WDR7: variants seen among roughly 807,000 people sequenced by gnomAD.
WDR7 encodes WD repeat-containing protein 7.
In WDR7, 46 loss-of-function variants were observed where a neutral mutation model predicts 169.4. The ratio of observed to expected loss-of-function variants is 0.27; its 90% CI spans 0.21 to 0.35. The LOEUF (loss-of-function observed/expected upper bound fraction) is 0.35. Among genes scored for constraint, WDR7 ranks in the 10% least tolerant of loss-of-function variants. WDR7 has a pLI of 1.00. For missense variants in WDR7, 1,534 were observed against 1,859.3 expected (o/e 0.83, Z 3.22); for synonymous variants, 612 against 666.8 (o/e 0.92, Z 1.27).
intron 20 of WDR7, among the ~76,000 whole-genome samples, chr18:56,827,400 C>T (rs2045226178): frequency 6.6e-6 from 1 of 152,148 alleles, no homozygotes; most frequent in African/African-American, 2.4e-5. Flanking sequence ...TTTACAACAA[C>T]CTAGGTGGAA....
intron 19 of WDR7, among the ~76,000 whole-genome samples, chr18:56,790,160 G>T (rs749849768): frequency 6.6e-6 from 1 of 152,168 alleles, no homozygotes; most frequent in African/African-American, 2.4e-5. Context: ...CAAGTGTCTC[G>T]TAAGCTTTTA....
chr18:56,961,451 A>G (rs2047338696), intron 25 of WDR7, among the ~76,000 whole-genome samples: 2 of 152,068 alleles, frequency 1.3e-5, no homozygotes, highest in Non-Finnish European at 2.9e-5. Flanking sequence ...AAATCCTCCT[A>G]AATATCTAGG....
intron 26 of WDR7, among the ~76,000 whole-genome samples, chr18:56,989,894 A>T (rs2047785356): frequency 6.6e-6 from 1 of 152,212 alleles, no homozygotes; most frequent in Non-Finnish European, 1.5e-5. Flanking sequence ...TTCTTAAAAC[A>T]GTCTTTGGAT....
chr18:56,686,817 C>A (rs763623245), intron 6 of WDR7, 38 bp from the exon 7 acceptor site: 4 of 1,461,638 alleles, frequency 2.7e-6, no homozygotes, highest in Non-Finnish European at 3.8e-6. Flanking sequence ...AATTGACAAT[C>A]ATGCTATTCC....
downstream of WDR7, chr18:57,030,411 A>G (rs2048434142): frequency 6.6e-6 from 1 of 152,196 alleles, no homozygotes; most frequent in African/African-American, 2.4e-5. Context: ...CTTGGGCCCT[A>G]TTAAATGCCC....
chr18:56,952,207 G>A lies in WDR7; in HGVS notation c.4065-10223G>A, dbSNP rs989332412. 2.0e-5 allele frequency among the ~76,000 whole-genome samples: 3 copies of A among 152,190 alleles called. No individual in the cohort carries two copies. In the East Asian group the frequency reaches 5.8e-4, roughly 29 times the overall value. On this transcript the variant is annotated intron_variant, in intron 25 of 27. Transcript: ENST00000254442. ...AGCTGTCCCTGTGGGACTGCCTCTGGTGAGACAGCGAATTCCAGGTGGTGA... is the reference window on the plus strand; with the variant it reads ...AGCTGTCCCTGTGGGACTGCCTCTGATGAGACAGCGAATTCCAGGTGGTGA...
At chr18:56,768,833 C>T (rs1229242018) in intron 16 of WDR7, among the ~76,000 whole-genome samples, 1 of 152,116 alleles carries the variant, frequency 6.6e-6, no homozygotes, top group Non-Finnish European at 1.5e-5. Flanking sequence ...AATACTTGTT[C>T]AGCTGCCAAA....
intron 20 of WDR7, among the ~76,000 whole-genome samples, chr18:56,860,983 A>G (rs1278907586): frequency 6.6e-6 from 1 of 152,156 alleles, no homozygotes; most frequent in African/African-American, 2.4e-5. Flanking sequence ...TTTTCTAGAA[A>G]TACAATTGCT....
chr18:56,686,142 TA>T (rs2025439348), intron 6 of WDR7, 110 bp downstream of exon 6: 2 of 885,060 alleles, frequency 2.3e-6, no homozygotes, highest in Admixed American at 3.3e-5. Context: ...AAAAAGTGAT[TA>T]TTTTTTGATA....
At chr18:56,758,806 T>A (rs2043937722) in intron 15 of WDR7, 59 bp from the exon 16 acceptor site, 1 of 1,327,772 alleles carries the variant, frequency 7.5e-7, no homozygotes, top group Middle Eastern at 1.9e-4. Flanking sequence ...TTATTTTAAA[T>A]AGTTCTGGAA....
intron 19 of WDR7, among the ~76,000 whole-genome samples, chr18:56,798,189 G>T (rs2044616580): frequency 6.6e-6 from 1 of 152,102 alleles, no homozygotes; most frequent in South Asian, 2.1e-4. Flanking sequence ...AATAATCACT[G>T]TAGAAAGCAC....
chr18:56,957,822 G>A (rs2047277145), intron 25 of WDR7, among the ~76,000 whole-genome samples: 1 of 152,124 alleles, frequency 6.6e-6, no homozygotes, highest in Non-Finnish European at 1.5e-5. Context: ...TAATTGAAGA[G>A]TGTTTCTTGT....
intron 27 of WDR7, among the ~76,000 whole-genome samples, chr18:57,026,362 T>G (rs1029636028): frequency 1.3e-5 from 2 of 152,344 alleles, no homozygotes; most frequent in African/African-American, 4.8e-5. Context: ...CTTAGTATGA[T>G]AGCAAAACAG....
Position 56,797,447 on chromosome 18 carries a change from T to C in WDR7, c.3190+15791T>C, listed in dbSNP as rs1202014597. Among the ~76,000 whole-genome samples, 8 of 152,096 alleles carry C rather than the reference T, an allele frequency of 5.3e-5. 1 individual carries two copies. Among genetic ancestry groups the C allele is most frequent in the Non-Finnish European group, 8.8e-5 (6 of 68,026 alleles). On this transcript the variant is annotated intron_variant, in intron 19 of 27. Transcript: ENST00000254442. The stretch of plus-strand genomic sequence containing the variant: ...TCTAATTGATTCATTCCCTAATTGA[T>C]TGAATGGTGATTAATTAGTTCCATG...
intron 20 of WDR7, among the ~76,000 whole-genome samples, chr18:56,843,783 A>G (rs546073840): frequency 6.6e-6 from 1 of 151,384 alleles, no homozygotes; most frequent in Non-Finnish European, 1.5e-5. Context: ...ACCATTTTAC[A>G]TTCCTACTAG....
chr18:56,785,375 A>G (rs1036125747), intron 19 of WDR7, among the ~76,000 whole-genome samples: 13 of 152,228 alleles, frequency 8.5e-5, no homozygotes, highest in Admixed American at 6.5e-4. Context: ...AATGGGCAAA[A>G]TATTAAACAA....
At chr18:56,700,960 G>A (rs1322903409) in intron 12 of WDR7, among the ~76,000 whole-genome samples, 2 of 152,134 alleles carry the variant, frequency 1.3e-5, no homozygotes, top group Admixed American at 6.5e-5. Flanking sequence ...ACCTGATACG[G>A]ATTATTTTAA....
intron 25 of WDR7, among the ~76,000 whole-genome samples, chr18:56,942,497 G>T (rs763464810): frequency 6.6e-6 from 1 of 152,104 alleles, no homozygotes; most frequent in Non-Finnish European, 1.5e-5. Context: ...GTAAGAAAAA[G>T]AACTTTTCCA....
intron 12 of WDR7, among the ~76,000 whole-genome samples, chr18:56,703,571 T>A (rs2025881378): frequency 6.6e-6 from 1 of 152,166 alleles, no homozygotes; most frequent in Non-Finnish European, 1.5e-5. Flanking sequence ...TCATCCTTTT[T>A]CCTTTAACAC....
Sources: allele counts gnomAD v4.1 joint callset (sites outside exome capture counted in the v4.1 genomes callset), GRCh38; gene constraint gnomAD v4.1.1; transcripts MANE v1.5; gene names NCBI Gene and HGNC (gene_info 2026-07-23, HGNC 2026-07-21).